Variants in OR10W1 observed in about 807,000 individuals in gnomAD.
OR10W1 encodes the protein olfactory receptor family 10 subfamily W member 1.
For missense variants in OR10W1, 406 were observed against 365.8 expected, an observed-to-expected ratio of 1.11 and a Z score of -0.90; for synonymous variants, 152 against 151.6, an observed-to-expected ratio of 1.00 and a Z score of -0.02.
In OR10W1 at chr11:58,267,606, G is replaced by T; in HGVS notation, c.253C>A (p.Leu85Ile). The change falls in exon 1 of 1, where the codon CTC becomes ATC. Residue 85 changes from leucine to isoleucine, a missense_variant. Coordinates refer to ENST00000395079, the MANE Select transcript of OR10W1 (RefSeq NM_207374.3). ...GCCATCTGGGTGGCACAGCCCAGGA[G>T]AGTGATGGTCTTCTCTGACTGTAGG... Reference protein sequence around the residue: ...NTLQSEKTITLLGCATQMAFF... With the variant: ...NTLQSEKTITILGCATQMAFF... 6.2e-7 allele frequency: 1 copy of T among 1,614,196 alleles called. No homozygotes were observed. The highest frequency in any genetic ancestry group is 8.5e-7 in the Non-Finnish European group (1 of 1,180,026).
chr11:58,267,492 A>T lies in OR10W1; in HGVS notation c.367T>A (p.Tyr123Asn). ...RYVAICHPLQ[Y>N]PLLMTLTLCV... ...AGAGTCAATGTCATGAGGAGAGGGT[A>T]CTGCAACGGGTGGCAAATGGCCACA... The change falls in exon 1 of 1, where the codon TAC becomes AAC. Residue 123 changes from tyrosine (Y) to asparagine (N), a missense_variant. Transcript: ENST00000395079. The T allele has an allele frequency of 6.2e-7, 1 of 1,614,146 alleles. No homozygotes were observed. The highest frequency in any genetic ancestry group is 8.5e-7 in the Non-Finnish European group (1 of 1,180,020).
chr11:58,267,289 C>T lies in OR10W1; in HGVS notation c.570G>A (p.Val190=). The change falls in exon 1 of 1, where the codon GTG becomes GTA. Residue 190 remains valine (V), a synonymous_variant. Coordinates refer to ENST00000395079, the MANE Select transcript of OR10W1 (RefSeq NM_207374.3). Reference sequence around the variant, plus strand: ...CAATGGCTAGTATGGCTGCCACCAGCACTGACTGCTCATGAATGTGACTCT... The same window carrying T: ...CAATGGCTAGTATGGCTGCCACCAGTACTGACTGCTCATGAATGTGACTCT... The part of the protein sequence containing the change: ...CAQSHIHEQS[V]LVAAILAIAV... 1.2e-6 allele frequency: 2 copies of T among 1,614,120 alleles called. No homozygotes were observed. The highest frequency in any genetic ancestry group is 4.5e-5 in the East Asian group (2 of 44,858).
rs1162744105 is a variant in OR10W1, at chr11:58,268,089, G to A, written c.-231C>T. ...AATATCTACACCTCAATTTCTACCT[G>A]CCAAGAGTTGGGCCAAACTATGTAA... On this transcript the variant is annotated 5_prime_UTR_variant, in exon 1 of 1. Transcript: ENST00000395079. 5.8e-6 allele frequency: 3 copies of A among 516,010 alleles called. No homozygotes were observed. The highest frequency in any genetic ancestry group is 3.8e-5 in the African/African-American group (2 of 52,618). 32.0% of individuals were successfully genotyped at this position (516,010 alleles called of 1,614,324 possible).
At position 58,266,920 on chromosome 11, in the gene OR10W1, T is replaced by G. The variant is rs780118081; in HGVS notation, c.*21A>C. 10 of 1,512,660 alleles carry G rather than the reference T, an allele frequency of 6.6e-6. No homozygotes were observed. The Admixed American group carries it at 1.1e-4, about 17-fold the overall frequency. The allele number at this position is 1,512,660 out of a possible 1,614,324, so 93.7% of individuals were successfully genotyped here. On this transcript the variant is annotated 3_prime_UTR_variant, in exon 1 of 1. Transcript: ENST00000395079. ...GGGCTGGAACCAAATACTTGCCTGA[T>G]AGGCTGTCCCCTCGTCTTTCCTAGC...
At position 58,267,774 on chromosome 11, in the gene OR10W1, T is replaced by G. The variant is rs762610886; in HGVS notation, c.85A>C (p.Ile29Leu). 1 of 1,614,040 alleles carries G rather than the reference T, an allele frequency of 6.2e-7. No individual in the cohort carries two copies. The highest frequency in any genetic ancestry group is 2.2e-5 in the East Asian group (1 of 44,864). ...ACAATGAGAATGTTCCCAGTGATGA[T>G]CAAACCATAAACCAGGCTGACCCCA... ...FLGVSLVYGL[I>L]ITGNILIVVS... Residue 29 changes from isoleucine (I) to leucine (L), a missense_variant, in exon 1 of 1, where the codon ATC (isoleucine) becomes CTC (leucine). Coordinates refer to ENST00000395079, the MANE Select transcript of OR10W1 (RefSeq NM_207374.3).
At position 58,266,954 on chromosome 11, in the gene OR10W1, G is replaced by A; in HGVS notation, c.905C>T (p.Ser302Phe). The A allele has an allele frequency of 1.3e-6, 2 of 1,549,706 alleles. No individual in the cohort carries two copies. The highest frequency in any genetic ancestry group is 1.7e-6 in the Non-Finnish European group (2 of 1,144,214). Residue 302 changes from serine to phenylalanine, a missense_variant, in exon 1 of 1, where the codon TCC (serine) becomes TTC (phenylalanine). Transcript: ENST00000395079. ...VGRVLTRNCLSQNS is the reference protein window; with the variant it reads ...VGRVLTRNCLFQNS ...CCCTCGTCTTTCCTAGCTGTTCTGGGAAAGGCAGTTCCTGGTAAGAACTCT... is the reference window on the plus strand; with the variant it reads ...CCCTCGTCTTTCCTAGCTGTTCTGGAAAAGGCAGTTCCTGGTAAGAACTCT...
Position 58,267,179 on chromosome 11 carries a change from C to G in OR10W1, c.680G>C (p.Arg227Pro), listed in dbSNP as rs7111538. The change falls in exon 1 of 1, where the codon CGG (arginine) becomes CCG (proline). Residue 227 changes from arginine (R) to proline (P), a missense_variant. Coordinates refer to ENST00000395079, the MANE Select transcript of OR10W1 (RefSeq NM_207374.3). ...LKIHSAAGRHRAFSTCSSHLT... is the reference protein window; with the variant it reads ...LKIHSAAGRHPAFSTCSSHLT... ...GTGGGAAGAGCAGGTGGAGAAGGCC[C>G]GGTGGCGGCCAGCAGCCGAGTGGAT... is the stretch of plus-strand genomic sequence containing the variant. 1 of 1,613,932 alleles carries G rather than the reference C, an allele frequency of 6.2e-7. No individual in the cohort carries two copies. The highest frequency in any genetic ancestry group is 8.5e-7 in the Non-Finnish European group (1 of 1,180,016).
In OR10W1 at chr11:58,267,197, G is replaced by T; in HGVS notation, c.662C>A (p.Ser221Ter). The T allele has an allele frequency of 1.2e-6, 2 of 1,614,148 alleles. No homozygotes were observed. Among genetic ancestry groups the T allele is most frequent in the Non-Finnish European group, 1.7e-6 (2 of 1,180,016 alleles). ...FIVAALLKIH[S>*]AAGRHRAFST... Reference sequence around the variant, plus strand: ...GAAGGCCCGGTGGCGGCCAGCAGCCGAGTGGATCTTGAGCAGAGCAGCCAC... The same window carrying T: ...GAAGGCCCGGTGGCGGCCAGCAGCCTAGTGGATCTTGAGCAGAGCAGCCAC... The change falls in exon 1 of 1, where the codon TCG becomes TAG. Residue 221 changes from serine (S) to a stop codon, truncating the protein, a stop_gained. Coordinates refer to ENST00000395079, the MANE Select transcript of OR10W1 (RefSeq NM_207374.3). LOFTEE classifies it low-confidence loss of function (END_TRUNC).
In OR10W1 at chr11:58,268,060, CA is replaced by C; in HGVS notation, c.-203del. ...TCTCCACTTTTACCAAGTTTCTCCA[CA>C]TTAATATCTACACCTCAATTTCTAC... is the stretch of plus-strand genomic sequence containing the variant. On this transcript the variant is annotated 5_prime_UTR_variant, in exon 1 of 1. An upstream start codon of the reference 5' UTR is lost. Transcript: ENST00000395079. 1.7e-6 allele frequency: 1 copy of C among 581,288 alleles called. No individual in the cohort carries two copies. Among genetic ancestry groups the C allele is most frequent in the Non-Finnish European group, 3.1e-6 (1 of 319,006 alleles). 36.0% of individuals were successfully genotyped at this position (581,288 alleles called of 1,614,324 possible).
Position 58,267,714 on chromosome 11 carries a change from A to T in OR10W1, c.145T>A (p.Ser49Thr), listed in dbSNP as rs756486539. 1.2e-6 allele frequency: 2 copies of T among 1,614,176 alleles called. No individual in the cohort carries two copies. Among genetic ancestry groups the T allele is most frequent in the East Asian group, 2.2e-5 (1 of 44,866 alleles). The change falls in exon 1 of 1, where the codon TCC (serine) becomes ACC (threonine). Residue 49 changes from serine to threonine, a missense_variant. Transcript: ENST00000395079. ...AGGCTGCCCAGGAAATAGTACATGG[A>T]TGTGCATAGACAGGTTTCTGTGTGA... ...SIHTETCLCT[S>T]MYYFLGSLSG... is the part of the protein sequence containing the mutation.
rs1853565482 is a variant in OR10W1, at chr11:58,267,928, G to A, written c.-70C>T. 1.8e-6 allele frequency: 2 copies of A among 1,101,372 alleles called. No homozygotes were observed. Among genetic ancestry groups the A allele is most frequent in the Admixed American group, 4.0e-5 (2 of 49,962 alleles). The allele number at this position is 1,101,372 out of a possible 1,614,324, so 68.2% of individuals were successfully genotyped here. ...TCTGTGGAGAGCTACAAGTACAGAAGGAAGAATCAGACTGAAGATAAATTA... is the reference window on the plus strand; with the variant it reads ...TCTGTGGAGAGCTACAAGTACAGAAAGAAGAATCAGACTGAAGATAAATTA... On this transcript the variant is annotated 5_prime_UTR_variant, in exon 1 of 1. Transcript: ENST00000395079.
chr11:58,267,501 G>T lies in OR10W1; in HGVS notation c.358C>A (p.Pro120Thr). 6.2e-7 allele frequency: 1 copy of T among 1,614,122 alleles called. No homozygotes were observed. Among genetic ancestry groups the T allele is most frequent in the Non-Finnish European group, 8.5e-7 (1 of 1,180,022 alleles). Residue 120 changes from proline to threonine, a missense_variant, in exon 1 of 1, where the codon CCG becomes ACG. Pro to Thr is a conservative substitution (Grantham distance 38). Coordinates refer to ENST00000395079, the MANE Select transcript of OR10W1 (RefSeq NM_207374.3). ...AYDRYVAICH[P>T]LQYPLLMTLT... ...GTCATGAGGAGAGGGTACTGCAACG[G>T]GTGGCAAATGGCCACATAGCGGTCA...
Position 58,266,887 on chromosome 11 carries a change from G to T in OR10W1, c.*54C>A. On this transcript the variant is annotated 3_prime_UTR_variant, in exon 1 of 1. Transcript: ENST00000395079. ...ATGATAGAAATCTCAGTTTCATACA[G>T]ATTTGGTGGGCTGGAACCAAATACT... 2 of 1,361,610 alleles carry T rather than the reference G, an allele frequency of 1.5e-6. No homozygotes were observed. The highest frequency in any genetic ancestry group is 1.5e-5 in the South Asian group (1 of 67,826). The allele number at this position is 1,361,610 out of a possible 1,614,324, so 84.3% of individuals were successfully genotyped here. A position where few individuals can be genotyped will look rare whatever the true frequency, so the allele number is the denominator to read the frequency against.
rs755673017 is a variant in OR10W1 at position 58,267,359 on chromosome 11, T to C, written c.500A>G (p.His167Arg). The C allele has an allele frequency of 6.2e-7, 1 of 1,613,798 alleles. No homozygotes were observed. Reference protein sequence around the residue: ...LPFCQAQGIEHFFCDVPPVMH... With the variant: ...LPFCQAQGIERFFCDVPPVMH... ...GACTGGTGGCACATCACAAAAGAAG[T>C]GCTCAATGCCCTGAGCCTGGCAGAA... The change falls in exon 1 of 1, where the codon CAC becomes CGC. Residue 167 changes from histidine (H) to arginine (R), a missense_variant. Physicochemically the swap from His to Arg is conservative, Grantham distance 29 (BLOSUM62 0). Coordinates refer to ENST00000395079, the MANE Select transcript of OR10W1 (RefSeq NM_207374.3).
At position 58,266,809 on chromosome 11, in the gene OR10W1, A is replaced by G; in HGVS notation, c.*132T>C. 1.5e-6 allele frequency: 1 copy of G among 678,732 alleles called. No homozygotes were observed. The highest frequency in any genetic ancestry group is 2.4e-6 in the Non-Finnish European group (1 of 409,372). The allele number at this position is 678,732 out of a possible 1,614,324, so 42.0% of individuals were successfully genotyped here. A position where few individuals can be genotyped will look rare whatever the true frequency, so the allele number is the denominator to read the frequency against. ...AAATATTTAAAAATCTTTGGCACAC[A>G]TAAACAGTATCCATATAATTTATAC... On this transcript the variant is annotated 3_prime_UTR_variant, in exon 1 of 1. Coordinates refer to ENST00000395079, the MANE Select transcript of OR10W1 (RefSeq NM_207374.3).
Position 58,267,830 on chromosome 11 carries a change from G to T in OR10W1, c.29C>A (p.Ser10Tyr). The T allele has an allele frequency of 6.2e-7, 1 of 1,613,930 alleles. No homozygotes were observed. Among genetic ancestry groups the T allele is most frequent in the Non-Finnish European group, 8.5e-7 (1 of 1,179,884 alleles). MEFVFLAYPSCPELHILSFL... is the reference protein window; with the variant it reads MEFVFLAYPYCPELHILSFL... Reference sequence around the variant, plus strand: ...GGACAGAATATGCAGTTCTGGGCAGGAGGGATAGGCCAGGAACACAAATTC... The same window carrying T: ...GGACAGAATATGCAGTTCTGGGCAGTAGGGATAGGCCAGGAACACAAATTC... Residue 10 changes from serine (S) to tyrosine (Y), a missense_variant, in exon 1 of 1, where the codon TCC becomes TAC. Physicochemically the swap from Ser to Tyr is moderately radical, Grantham distance 144 (BLOSUM62 -2). Transcript: ENST00000395079.
Position 58,267,714 on chromosome 11 carries a change from A to C in OR10W1, c.145T>G (p.Ser49Ala), listed in dbSNP as rs756486539. 4.3e-6 allele frequency: 7 copies of C among 1,614,058 alleles called. No homozygotes were observed. The highest frequency in any genetic ancestry group is 5.9e-6 in the Non-Finnish European group (7 of 1,180,026). Residue 49 changes from serine (S) to alanine (A), a missense_variant, in exon 1 of 1, where the codon TCC becomes GCC. Ser to Ala is a moderately conservative substitution (Grantham distance 99). Transcript: ENST00000395079. ...SIHTETCLCTSMYYFLGSLSG... is the reference protein window; with the variant it reads ...SIHTETCLCTAMYYFLGSLSG... ...AGGCTGCCCAGGAAATAGTACATGG[A>C]TGTGCATAGACAGGTTTCTGTGTGA...
Position 58,267,663 on chromosome 11 carries a change from CA to C in OR10W1, c.195del (p.Ala66GlnfsTer62). 1 of 1,614,106 alleles carries C rather than the reference CA, an allele frequency of 6.2e-7. No individual in the cohort carries two copies. The highest frequency in any genetic ancestry group is 8.5e-7 in the Non-Finnish European group (1 of 1,179,998). On this transcript the variant is annotated frameshift_variant, in exon 1 of 1. Coordinates refer to ENST00000395079, the MANE Select transcript of OR10W1 (RefSeq NM_207374.3). LOFTEE classifies it low-confidence loss of function (END_TRUNC). ...GCCAGGATATGGGGCACCACCACTG[CA>C]GTGTAGCATATTTCAATCCCAGAAA... ...GSLSGIEICY[T>X]AVVVPHILAN...
At position 58,267,073 on chromosome 11, in the gene OR10W1, AT is replaced by A. The variant is rs1853550678; in HGVS notation, c.785del (p.Asp262ValfsTer22). The A allele has an allele frequency of 2.5e-6, 4 of 1,613,936 alleles. No homozygotes were observed. Among genetic ancestry groups the A allele is most frequent in the Non-Finnish European group, 3.4e-6 (4 of 1,179,984 alleles). The part of the protein sequence containing the change: ...CPSSSYNPKQ[D>X]RFISLVYTLG... The stretch of plus-strand genomic sequence containing the variant: ...ATGTGTACACCAGTGAGATGAACCG[AT>A]CTTGCTTGGGGTTGTAGCTGGAGCT... On this transcript the variant is annotated frameshift_variant, in exon 1 of 1. Transcript: ENST00000395079. LOFTEE classifies it low-confidence loss of function (END_TRUNC).
Sources: allele counts gnomAD v4.1 joint callset, GRCh38; gene constraint gnomAD v4.1.1; transcripts MANE v1.5; gene names NCBI Gene and HGNC (gene_info 2026-07-23, HGNC 2026-07-21).